Variants in HDAC9 observed in about 807,000 individuals in gnomAD.
The protein encoded by HDAC9 is MEF-2 interacting transcription repressor (MITR) protein.
A neutral mutation model predicts 139.4 loss-of-function variants in HDAC9; 41 were observed. The ratio of observed to expected loss-of-function variants is 0.29; its 90% CI spans 0.23 to 0.38. The LOEUF (loss-of-function observed/expected upper bound fraction) is 0.38, where lower values mean the gene tolerates loss of function less well. HDAC9 is among the 10% of genes least tolerant of loss of function. The probability of loss-of-function intolerance (pLI) is 1.00; values close to 1 mark genes in which losing one functional copy is unlikely to be tolerated. For missense variants in HDAC9, 1,147 were observed against 1,297.0 expected (o/e 0.88, Z 1.78); for synonymous variants, 517 against 476.2 (o/e 1.09, Z -1.12).
Position 18,601,112 on chromosome 7 carries a change from G to A in HDAC9, c.664+7083G>A, listed in dbSNP as rs187506487. ...ACTGAGTTTTTCTATCCATGAATACGAATAATTCTTTCATTTAGATTTTCT... is the reference window on the plus strand; with the variant it reads ...ACTGAGTTTTTCTATCCATGAATACAAATAATTCTTTCATTTAGATTTTCT... On this transcript the variant is annotated intron_variant, in intron 6 of 25. Transcript: ENST00000686413. Among the ~76,000 whole-genome samples the A allele has an allele frequency of 2.5e-3, 386 of 152,264 alleles. 1 individual carries two copies. Among genetic ancestry groups the A allele is most frequent in the Non-Finnish European group, 4.3e-3 (292 of 68,020 alleles).
At chr7:18,562,963 T>C (rs1450414960) in intron 2 of HDAC9, among the ~76,000 whole-genome samples, 1 of 152,174 alleles carries the variant, frequency 6.6e-6, no homozygotes, top group Non-Finnish European at 1.5e-5. Flanking sequence ...GTTTGCACTT[T>C]TGTTAAATTT....
chr7:18,886,033 C>A (rs1800121622), intron 22 of HDAC9, among the ~76,000 whole-genome samples: 1 of 151,974 alleles, frequency 6.6e-6, no homozygotes, highest in South Asian at 2.1e-4. Context: ...TAACAGCTAA[C>A]AAAAAAAGCA....
chr7:18,653,241 A>G (rs1450510553), intron 11 of HDAC9, among the ~76,000 whole-genome samples: 1 of 147,226 alleles, frequency 6.8e-6, no homozygotes, highest in Admixed American at 6.8e-5. Flanking sequence ...CTCCATCTCA[A>G]AAAAAAAAAA....
intron 1 of HDAC9, among the ~76,000 whole-genome samples, chr7:18,359,560 G>A (rs892950500): frequency 6.6e-6 from 1 of 152,174 alleles, no homozygotes; most frequent in Non-Finnish European, 1.5e-5. Flanking sequence ...GCATGTAACT[G>A]TAGTCCCCAG....
chr7:18,893,269 G>T (rs918891478), intron 22 of HDAC9, among the ~76,000 whole-genome samples: 1 of 152,056 alleles, frequency 6.6e-6, no homozygotes. Flanking sequence ...CTGTAGTTGT[G>T]TAGTTTGTGC....
chr7:18,734,749 C>A (rs1036137750), intron 13 of HDAC9, among the ~76,000 whole-genome samples: 1 of 152,144 alleles, frequency 6.6e-6, no homozygotes, highest in African/African-American at 2.4e-5. Flanking sequence ...TGGGTATATA[C>A]CCAGTAATGG....
intron 1 of HDAC9, among the ~76,000 whole-genome samples, chr7:18,339,166 G>T (rs1044289092): frequency 2.0e-4 from 30 of 150,970 alleles, no homozygotes; most frequent in African/African-American, 7.3e-4. Flanking sequence ...TCCATGATCA[G>T]TCAGGCTACA....
intron 1 of HDAC9, among the ~76,000 whole-genome samples, chr7:18,148,129 A>G (rs542001420): frequency 1.3e-5 from 2 of 152,124 alleles, no homozygotes; most frequent in African/African-American, 2.4e-5. Context: ...CTAGTTTCCT[A>G]TTGCTACTGA....
At chr7:18,534,049 A>C (rs1809980791) in intron 2 of HDAC9, among the ~76,000 whole-genome samples, 1 of 152,068 alleles carries the variant, frequency 6.6e-6, no homozygotes, top group Admixed American at 6.6e-5. Flanking sequence ...TTCTGCGTGC[A>C]CTTTATACTT....
At position 18,997,953 on chromosome 7, in the gene HDAC9, G is replaced by A. The variant is rs1376697304; in HGVS notation, c.*1891G>A. 2.0e-5 allele frequency: 3 copies of A among 152,002 alleles called. No individual in the cohort carries two copies. Among genetic ancestry groups the A allele is most frequent in the African/African-American group, 7.2e-5 (3 of 41,392 alleles). The allele number at this position is 152,002 out of a possible 1,614,324, so 9.4% of individuals were successfully genotyped here. A position where few individuals can be genotyped will look rare whatever the true frequency, so the allele number is the denominator to read the frequency against. ...GGTAAAAATTGCTTTCATTGCGTAA[G>A]GGCAAATTCAGTCTAGATTCATAGT... On this transcript the variant is annotated 3_prime_UTR_variant, in exon 26 of 26. Coordinates refer to ENST00000686413, the MANE Select transcript of HDAC9 (RefSeq NM_178425.4).
chr7:18,841,255 T>G (rs952350198), intron 21 of HDAC9, among the ~76,000 whole-genome samples: 11 of 152,086 alleles, frequency 7.2e-5, no homozygotes, highest in African/African-American at 2.7e-4. Context: ...CAAGTAAATA[T>G]TTGCATTCAC....
At chr7:18,754,006 G>T (rs1788670870) in intron 14 of HDAC9, among the ~76,000 whole-genome samples, 3 of 152,030 alleles carry the variant, frequency 2.0e-5, no homozygotes, top group South Asian at 4.1e-4. Context: ...GTGTAAATTG[G>T]CTCTGCTTAC....
intron 1 of HDAC9, among the ~76,000 whole-genome samples, chr7:18,326,529 G>C (rs765230026): frequency 6.6e-6 from 1 of 151,720 alleles, no homozygotes; most frequent in Non-Finnish European, 1.5e-5. Flanking sequence ...TTTTGATTTT[G>C]TCCCAAATAG....
At chr7:18,830,528 C>T (rs561210307) in intron 19 of HDAC9, among the ~76,000 whole-genome samples, 29 of 152,282 alleles carry the variant, frequency 1.9e-4, no homozygotes, top group South Asian at 4.1e-4. Context: ...TTGGAAGTCA[C>T]GGCCTCGCCC....
chr7:18,360,477 C>G (rs73056516), intron 1 of HDAC9, among the ~76,000 whole-genome samples: 2,632 of 152,258 alleles, frequency 0.017, 35 homozygotes, highest in Non-Finnish European at 0.027. Context: ...CTGAACATCT[C>G]TTTAGCCATA....
intron 1 of HDAC9, among the ~76,000 whole-genome samples, chr7:18,426,714 T>G (rs1790149122): frequency 6.6e-6 from 1 of 152,222 alleles, no homozygotes; most frequent in Non-Finnish European, 1.5e-5. Context: ...TTATACTTTA[T>G]GAATCTGCAA....
At chr7:18,410,019 AT>A (rs146621856) in intron 1 of HDAC9, among the ~76,000 whole-genome samples, 28 of 151,230 alleles carry the variant, frequency 1.9e-4, no homozygotes, top group East Asian at 1.2e-3. Context: ...TTCTTTACCC[AT>A]TTTTTTTTGG....
intron 2 of HDAC9, among the ~76,000 whole-genome samples, chr7:18,255,264 A>G (rs1331086551): frequency 6.6e-6 from 1 of 152,224 alleles, no homozygotes; most frequent in Non-Finnish European, 1.5e-5. Flanking sequence ...TAGTCAAGCC[A>G]GTATTTTGGA....
intron 23 of HDAC9, chr7:18,949,081 A>T: frequency 2.9e-6 from 1 of 349,426 alleles, no homozygotes; most frequent in Non-Finnish European, 5.5e-6. Flanking sequence ...GCGTTTTGGG[A>T]GGGTTTTTTT....
Sources: allele counts gnomAD v4.1 joint callset (sites outside exome capture counted in the v4.1 genomes callset), GRCh38; gene constraint gnomAD v4.1.1; transcripts MANE v1.5; gene names NCBI Gene and HGNC (gene_info 2026-07-23, HGNC 2026-07-21).